Variants in ANK3 observed in about 807,000 individuals in gnomAD.
ANK3 encodes ankyrin 3.
A neutral mutation model predicts 370.9 loss-of-function variants in ANK3; 57 were observed. That is an observed-to-expected ratio of 0.15 (90% CI 0.12 to 0.19). The LOEUF (loss-of-function observed/expected upper bound fraction) is 0.19. Ranked by LOEUF, ANK3 falls within the 10% of genes least tolerant of loss-of-function variation. The pLI, the probability that ANK3 is intolerant of heterozygous loss-of-function variation, is 1.00. For missense variants in ANK3, 4,439 were observed against 5,302.1 expected, an observed-to-expected ratio of 0.84 and a Z score of 5.06; for synonymous variants, 1,929 against 1,946.3, an observed-to-expected ratio of 0.99 and a Z score of 0.23.
At chr10:60,702,489 G>A (rs1055583096) in intron 1 of ANK3, among the ~76,000 whole-genome samples, 2 of 152,068 alleles carry the variant, frequency 1.3e-5, no homozygotes, top group African/African-American at 2.4e-5. Flanking sequence ...TAAATCCAAT[G>A]AGTAATTATT....
intron 1 of ANK3, among the ~76,000 whole-genome samples, chr10:60,713,088 A>C (rs984980894): frequency 6.6e-6 from 1 of 152,210 alleles, no homozygotes; most frequent in Non-Finnish European, 1.5e-5. Flanking sequence ...TGAAGTAAAA[A>C]GCACCATTAA....
At chr10:60,159,641 C>A (rs1469747747) in intron 23 of ANK3, among the ~76,000 whole-genome samples, 1 of 152,036 alleles carries the variant, frequency 6.6e-6, no homozygotes, top group Non-Finnish European at 1.5e-5. Context: ...ATGGAATATT[C>A]TCAAGGATAG....
At chr10:60,370,099 A>G (rs2059905327) in intron 1 of ANK3, among the ~76,000 whole-genome samples, 1 of 152,188 alleles carries the variant, frequency 6.6e-6, no homozygotes, top group Non-Finnish European at 1.5e-5. Flanking sequence ...GTAGCTTCAA[A>G]CTTTAAACAA....
Position 60,076,329 on chromosome 10 carries a change from T to C in ANK3, c.4552A>G (p.Lys1518Glu). The C allele has an allele frequency of 6.2e-7, 1 of 1,614,074 alleles. No homozygotes were observed. The highest frequency in any genetic ancestry group is 8.5e-7 in the Non-Finnish European group (1 of 1,179,976). ...TAPITVPGPA[K>E]SGFTSLSSSS... Reference sequence around the variant, plus strand: ...CTTGATAAGGAAGTGAAGCCTGACTTGGCTGGCCCAGGCACTGTAATCGGA... The same window carrying C: ...CTTGATAAGGAAGTGAAGCCTGACTCGGCTGGCCCAGGCACTGTAATCGGA... Residue 1518 changes from lysine to glutamate, a missense_variant, in exon 37 of 44, where the codon AAG becomes GAG. Physicochemically the swap from Lys to Glu is moderately conservative, Grantham distance 56 (BLOSUM62 1). Transcript: ENST00000280772.
intron 2 of ANK3, among the ~76,000 whole-genome samples, chr10:60,576,469 G>T (rs2077684370): frequency 6.6e-6 from 1 of 152,170 alleles, no homozygotes; most frequent in Non-Finnish European, 1.5e-5. Flanking sequence ...AAATTCACTT[G>T]AAAACACTAA....
At position 60,124,167 on chromosome 10, in the gene ANK3, T is replaced by C. The variant is rs76465944; in HGVS notation, c.2842-9836A>G. Among the ~76,000 whole-genome samples, 516 of 152,244 alleles carry C rather than the reference T, an allele frequency of 3.4e-3. 3 individuals carry two copies. Among genetic ancestry groups the C allele is most frequent in the African/African-American group, 0.012 (491 of 41,542 alleles). On this transcript the variant is annotated intron_variant, in intron 25 of 43. Coordinates refer to ENST00000280772, the MANE Select transcript of ANK3 (RefSeq NM_020987.5). ...TCATACCCCTAGATATTTATTTATT[T>C]TATTTTTTGAGACAGAGTCTCACTC...
chr10:60,230,892 TAAAA>T (rs34221364), intron 8 of ANK3, among the ~76,000 whole-genome samples: 4 of 137,844 alleles, frequency 2.9e-5, no homozygotes, highest in Admixed American at 7.3e-5. Context: ...GACTCCATCT[TAAAA>T]AAAAAAAAAA....
chr10:60,445,904 C>T (rs1254694270), intron 2 of ANK3, among the ~76,000 whole-genome samples: 3 of 152,098 alleles, frequency 2.0e-5, no homozygotes, highest in Non-Finnish European at 2.9e-5. Flanking sequence ...TGAAAAAGAA[C>T]ATAAAAATAT....
intron 18 of ANK3, among the ~76,000 whole-genome samples, chr10:60,175,047 C>T (rs990556939): frequency 1.3e-5 from 2 of 152,200 alleles, no homozygotes; most frequent in Non-Finnish European, 1.5e-5. Context: ...AGGTTCTATT[C>T]ATCCTCATAG....
chr10:60,223,815 G>A (rs1230912602), intron 8 of ANK3, among the ~76,000 whole-genome samples: 1 of 152,014 alleles, frequency 6.6e-6, no homozygotes, highest in Non-Finnish European at 1.5e-5. Context: ...TTCAGAATTT[G>A]TTCTAAATAA....
At chr10:60,210,335 C>T (rs1184216431) in intron 9 of ANK3, among the ~76,000 whole-genome samples, 1 of 151,824 alleles carries the variant, frequency 6.6e-6, no homozygotes, top group Non-Finnish European at 1.5e-5. Flanking sequence ...AGGGGTAAAT[C>T]GTGAGAAAAC....
At chr10:60,715,295 A>G (rs2079770145) in intron 1 of ANK3, among the ~76,000 whole-genome samples, 1 of 151,484 alleles carries the variant, frequency 6.6e-6, no homozygotes, top group Non-Finnish European at 1.5e-5. Context: ...TGTTTGATTT[A>G]CCATTATAAA....
At chr10:60,591,605 C>T (rs1383707899) in intron 2 of ANK3, among the ~76,000 whole-genome samples, 1 of 152,054 alleles carries the variant, frequency 6.6e-6, no homozygotes, top group Non-Finnish European at 1.5e-5. Flanking sequence ...ATCAGTATAT[C>T]GACAAGATAT....
rs1410225043 is a variant in ANK3, at chr10:60,070,799, T to C, written c.10082A>G (p.Glu3361Gly). Residue 3361 changes from glutamate (E) to glycine (G), a missense_variant, in exon 37 of 44, where the codon GAA becomes GGA. Glu to Gly is a moderately conservative substitution (Grantham distance 98). Transcript: ENST00000280772. The surrounding 1 kb of genome is among the most constrained non-coding windows in gnomAD (Gnocchi z 5.7). ...ATTATCTTTTCCAGATCCATTACTT[T>C]CCAGTTCTTTCTGGTTGGAAGCCTT... ...AEKASNQKEL[E>G]SNGSGKDNEF... The C allele has an allele frequency of 1.2e-6, 2 of 1,614,204 alleles. No homozygotes were observed. Among genetic ancestry groups the C allele is most frequent in the South Asian group, 2.2e-5 (2 of 91,082 alleles).
At position 60,080,568 on chromosome 10, in the gene ANK3, C is replaced by T; in HGVS notation, c.4401G>A (p.Lys1467=). 1 of 1,611,674 alleles carries T rather than the reference C, an allele frequency of 6.2e-7. No individual in the cohort carries two copies. The highest frequency in any genetic ancestry group is 8.5e-7 in the Non-Finnish European group (1 of 1,179,242). The stretch of plus-strand genomic sequence containing the variant: ...CAGGCTCAGTCAAGTAGCTGTAGCG[C>T]TTACGTAAAGCTAAGGATGCGAAGC... ...RQSFASLALR[K]RYSYLTEPGM... is the part of the protein sequence containing the mutation. Residue 1467 remains lysine (K), a synonymous_variant, in exon 36 of 44, where the codon AAG becomes AAA. Coordinates refer to ENST00000280772, the MANE Select transcript of ANK3 (RefSeq NM_020987.5).
chr10:60,184,391 C>T (rs1425950754), intron 17 of ANK3, among the ~76,000 whole-genome samples: 2 of 152,138 alleles, frequency 1.3e-5, no homozygotes, highest in Admixed American at 6.5e-5. Context: ...ATACTGAAAA[C>T]GACAACGGAG....
intron 7 of ANK3, among the ~76,000 whole-genome samples, chr10:60,242,526 C>T (rs556817258): frequency 6.6e-5 from 10 of 152,236 alleles, no homozygotes; most frequent in South Asian, 2.1e-4. Context: ...TTATTTCAGT[C>T]CTGTCCTTAG....
intron 1 of ANK3, among the ~76,000 whole-genome samples, chr10:60,339,216 T>C (rs1296838997): frequency 1.3e-5 from 2 of 152,182 alleles, no homozygotes; most frequent in African/African-American, 4.8e-5. Flanking sequence ...TTTTCTGCAT[T>C]GCGATGAAAA....
At chr10:60,664,924 G>A (rs974982422) in intron 1 of ANK3, among the ~76,000 whole-genome samples, 2 of 152,216 alleles carry the variant, frequency 1.3e-5, no homozygotes, top group African/African-American at 4.8e-5. Context: ...ATGCAATTTA[G>A]TTTAAAAAGA....
Sources: allele counts gnomAD v4.1 joint callset (sites outside exome capture counted in the v4.1 genomes callset), GRCh38; gene constraint gnomAD v4.1.1; non-coding constraint Gnocchi (gnomAD v3.1); transcripts MANE v1.5; gene names NCBI Gene and HGNC (gene_info 2026-07-23, HGNC 2026-07-21).